VWC2: variants seen among roughly 807,000 people sequenced by gnomAD.
VWC2 encodes von Willebrand factor C domain containing 2, also known as brorin.
VWC2 carries 14 observed loss-of-function variants against 29.8 expected under a neutral mutation model. The ratio of observed to expected loss-of-function variants is 0.47; its 90% CI spans 0.31 to 0.74. The LOEUF (loss-of-function observed/expected upper bound fraction) is 0.74. Ranked by LOEUF, VWC2 falls within the 30% of genes least tolerant of loss-of-function variation. VWC2 has a pLI of 0.05. For missense variants in VWC2, 457 were observed against 459.8 expected (o/e 0.99, Z 0.05); for synonymous variants, 213 against 199.0 (o/e 1.07, Z -0.59).
intron 3 of VWC2, among the ~76,000 whole-genome samples, chr7:49,860,713 T>G (rs914439179): frequency 6.6e-6 from 1 of 152,268 alleles, no homozygotes; most frequent in Non-Finnish European, 1.5e-5. Context: ...TTTCAATGTT[T>G]CTATATTTGT....
chr7:49,783,083 G>A (rs1788213109), intron 2 of VWC2, among the ~76,000 whole-genome samples: 1 of 152,094 alleles, frequency 6.6e-6, no homozygotes, highest in South Asian at 2.1e-4. Flanking sequence ...CTAATCATTA[G>A]GGACTGGCTC....
chr7:49,907,921 A>T (rs1793192617), intron 3 of VWC2, among the ~76,000 whole-genome samples: 1 of 152,180 alleles, frequency 6.6e-6, no homozygotes, highest in Admixed American at 6.5e-5. Flanking sequence ...CAGAGCTCTT[A>T]TCAGACCTAT....
At chr7:49,798,759 C>T (rs1562709605) in intron 2 of VWC2, among the ~76,000 whole-genome samples, 1 of 152,210 alleles carries the variant, frequency 6.6e-6, no homozygotes, top group Non-Finnish European at 1.5e-5. Flanking sequence ...CCTCAGCTGG[C>T]TGCTGAGTTC....
chr7:49,905,801 A>G (rs1793055090), intron 3 of VWC2, among the ~76,000 whole-genome samples: 1 of 152,206 alleles, frequency 6.6e-6, no homozygotes, highest in Non-Finnish European at 1.5e-5. Context: ...AACAGGTCAT[A>G]AAGCCCTTGC....
chr7:49,854,630 T>C (rs141967784), intron 3 of VWC2, among the ~76,000 whole-genome samples: 4,194 of 152,310 alleles, frequency 0.028, 161 homozygotes, highest in South Asian at 0.12. Context: ...GTCAGATAAG[T>C]AGATTGCAAA....
In VWC2 at chr7:49,912,131, A is replaced by G; in HGVS notation, c.924A>G (p.Thr308=). 6.2e-7 allele frequency: 1 copy of G among 1,614,190 alleles called. No homozygotes were observed. Among genetic ancestry groups the G allele is most frequent in the Non-Finnish European group, 8.5e-7 (1 of 1,180,020 alleles). ...GCCACTGTACTTATGAGGAAGGCACATGGAGAATCGAGCGGCAGGCCATGT... is the reference window on the plus strand; with the variant it reads ...GCCACTGTACTTATGAGGAAGGCACGTGGAGAATCGAGCGGCAGGCCATGT... The part of the protein sequence containing the change: ...TICHCTYEEG[T]WRIERQAMCT... The change falls in exon 4 of 4, where the codon ACA becomes ACG. Residue 308 remains threonine (T), a synonymous_variant. Transcript: ENST00000340652.
intron 3 of VWC2, among the ~76,000 whole-genome samples, chr7:49,873,252 G>T (rs1791248910): frequency 2.0e-5 from 3 of 152,278 alleles, no homozygotes; most frequent in Middle Eastern, 3.4e-3. Flanking sequence ...AGTTTTGGTG[G>T]CTGGAAGTCC....
intron 3 of VWC2, among the ~76,000 whole-genome samples, chr7:49,869,791 A>G (rs1447239155): frequency 6.6e-6 from 1 of 152,168 alleles, no homozygotes; most frequent in Non-Finnish European, 1.5e-5. Flanking sequence ...CACGGCCACA[A>G]ACTACATTTA....
At chr7:49,909,684 C>A (rs1038582978) in intron 3 of VWC2, among the ~76,000 whole-genome samples, 1 of 152,038 alleles carries the variant, frequency 6.6e-6, no homozygotes, top group Non-Finnish European at 1.5e-5. Flanking sequence ...GGAGCTCAAG[C>A]GAGAAAGTAC....
chr7:49,883,925 GA>G (rs1791785991), intron 3 of VWC2, among the ~76,000 whole-genome samples: 1 of 152,238 alleles, frequency 6.6e-6, no homozygotes, highest in Non-Finnish European at 1.5e-5. Flanking sequence ...CTTCTGCTAA[GA>G]ACAGAAAGCA....
intron 3 of VWC2, among the ~76,000 whole-genome samples, chr7:49,880,647 A>G (rs922621636): frequency 1.3e-5 from 2 of 151,916 alleles, no homozygotes; most frequent in Non-Finnish European, 2.9e-5. Context: ...ACACTTGGAC[A>G]CAGGGTGGGG....
At chr7:49,816,122 G>A (rs888836066) in intron 3 of VWC2, among the ~76,000 whole-genome samples, 1 of 152,182 alleles carries the variant, frequency 6.6e-6, no homozygotes, top group African/African-American at 2.4e-5. Context: ...ACTTAAGCCT[G>A]TAGTTGGAGG....
chr7:49,774,613 G>A (rs941217636), intron 1 of VWC2, among the ~76,000 whole-genome samples: 1 of 152,176 alleles, frequency 6.6e-6, no homozygotes, highest in Non-Finnish European at 1.5e-5. Flanking sequence ...AAGACTGAGC[G>A]CTGCGGCCGG....
At chr7:49,810,060 A>G (rs77284477) in intron 3 of VWC2, among the ~76,000 whole-genome samples, 22,709 of 151,852 alleles carry the variant, frequency 0.15, 2,102 homozygotes, top group Middle Eastern at 0.22. Context: ...AAGGAAATTA[A>G]GAAGTATAAC....
chr7:49,892,521 A>G (rs1792187813), intron 3 of VWC2, among the ~76,000 whole-genome samples: 1 of 152,204 alleles, frequency 6.6e-6, no homozygotes, highest in South Asian at 2.1e-4. Context: ...AACCTATTTT[A>G]TTCTGTTAGA....
chr7:49,775,314 G>C lies in VWC2; in HGVS notation c.-103-19G>C. 1 of 670,856 alleles carries C rather than the reference G, an allele frequency of 1.5e-6. No individual in the cohort carries two copies. The highest frequency in any genetic ancestry group is 2.1e-6 in the Non-Finnish European group (1 of 480,728). The allele number at this position is 670,856 out of a possible 1,614,324, so 41.6% of individuals were successfully genotyped here. ...CGCGCGGGCCGCGGGGCTCAGTTGT[G>C]CTGCTGTTCTCTCCGCAGGGACGGC... is the stretch of plus-strand genomic sequence containing the variant. On this transcript the variant is annotated intron_variant, in intron 1 of 3. Coordinates refer to ENST00000340652, the MANE Select transcript of VWC2 (RefSeq NM_198570.5).
At chr7:49,802,218 G>T (rs932879821) in intron 2 of VWC2, among the ~76,000 whole-genome samples, 1 of 152,240 alleles carries the variant, frequency 6.6e-6, no homozygotes, top group African/African-American at 2.4e-5. Flanking sequence ...CGTCCTGTGC[G>T]TTTGCACCTA....
intron 3 of VWC2, among the ~76,000 whole-genome samples, chr7:49,853,918 A>G (rs1213519522): frequency 7.3e-6 from 1 of 136,566 alleles, no homozygotes; most frequent in East Asian, 2.2e-4. Flanking sequence ...CCTGTGTCCA[A>G]ATGTTTTCAT....
intron 2 of VWC2, among the ~76,000 whole-genome samples, chr7:49,779,974 CA>C (rs1788140059): frequency 6.6e-6 from 1 of 152,200 alleles, no homozygotes; most frequent in South Asian, 2.1e-4. Context: ...GACCTGTCTC[CA>C]GACAGTCATA....
Sources: gnomAD v4.1 joint callset for allele counts (sites outside exome capture counted in the v4.1 genomes callset) on GRCh38, gnomAD v4.1.1 for gene constraint, MANE v1.5 for transcripts, NCBI Gene and HGNC (gene_info 2026-07-23, HGNC 2026-07-21) for gene names.